The following INTS7 variants were observed in gnomAD, a reference collection of about 807,000 sequenced individuals.
INTS7 encodes integrator complex subunit 7.
Under a neutral mutation model 109.2 loss-of-function variants are expected in INTS7, and 46 were observed. The observed-to-expected ratio is 0.42, with a 90% confidence interval of 0.33 to 0.54. The LOEUF is 0.54. INTS7 is among the 20% of genes least tolerant of loss of function. The pLI is 0.07. For synonymous variants in INTS7, 412 were observed against 402.9 expected, an observed-to-expected ratio of 1.02 and a Z score of -0.27; for missense variants, 929 against 1,132.4, an observed-to-expected ratio of 0.82 and a Z score of 2.58.
intron 5 of INTS7, among the ~76,000 whole-genome samples, chr1:212,008,673 A>G (rs538685023): frequency 6.6e-6 from 1 of 152,284 alleles, no homozygotes; most frequent in South Asian, 2.1e-4. Context: ...TGTATTAATA[A>G]GGCTCAAAGA....
intron 9 of INTS7, 93 bp downstream of exon 9, chr1:211,982,583 G>A: frequency 1.0e-6 from 1 of 971,402 alleles, no homozygotes; most frequent in Non-Finnish European, 1.5e-6. Context: ...AGGCACACAG[G>A]CTAAAAATAA....
At chr1:211,981,266 A>C in intron 9 of INTS7, 76 bp from the exon 10 acceptor site, 1 of 841,414 alleles carries the variant, frequency 1.2e-6, no homozygotes, top group Non-Finnish European at 2.0e-6. Flanking sequence ...ATGCATACAC[A>C]CTCTCTTAGA....
At chr1:212,007,796 C>T (rs1665999420) in intron 5 of INTS7, among the ~76,000 whole-genome samples, 2 of 152,098 alleles carry the variant, frequency 1.3e-5, no homozygotes, top group Admixed American at 1.3e-4. Context: ...CAAACACACA[C>T]ACTTGATGGC....
At chr1:212,019,369 G>T (rs1358582345) in intron 3 of INTS7, among the ~76,000 whole-genome samples, 1 of 152,026 alleles carries the variant, frequency 6.6e-6, no homozygotes, top group Non-Finnish European at 1.5e-5. Flanking sequence ...AAAAGGCAAA[G>T]AAATGACAAA....
At chr1:211,956,915 T>C (rs1349542732) in intron 16 of INTS7, among the ~76,000 whole-genome samples, 1 of 152,222 alleles carries the variant, frequency 6.6e-6, no homozygotes. Flanking sequence ...TGTGGAAACA[T>C]GTTTTCATTT....
At chr1:211,952,090 A>C (rs1011225893) in intron 17 of INTS7, among the ~76,000 whole-genome samples, 1 of 152,186 alleles carries the variant, frequency 6.6e-6, no homozygotes, top group Non-Finnish European at 1.5e-5. Context: ...TTTCTGTTTC[A>C]ATTGTCCAGT....
intron 13 of INTS7, among the ~76,000 whole-genome samples, chr1:211,971,579 A>G (rs1216527959): frequency 1.3e-5 from 2 of 152,226 alleles, no homozygotes; most frequent in Non-Finnish European, 2.9e-5. Context: ...AACAAGCAAC[A>G]TAAAACAGAA....
At chr1:212,033,570 T>C (rs902845012) in intron 1 of INTS7, among the ~76,000 whole-genome samples, 2 of 152,160 alleles carry the variant, frequency 1.3e-5, no homozygotes, top group Non-Finnish European at 2.9e-5. Flanking sequence ...AACTGCAAAA[T>C]TTGAGGAATT....
intron 7 of INTS7, among the ~76,000 whole-genome samples, chr1:212,000,179 T>G (rs186162615): frequency 6.6e-6 from 1 of 151,974 alleles, no homozygotes; most frequent in Non-Finnish European, 1.5e-5. Context: ...ATAAAAAAAA[T>G]TTTTAAATCA....
intron 5 of INTS7, among the ~76,000 whole-genome samples, chr1:212,007,946 G>A (rs930579813): frequency 3.3e-5 from 5 of 152,064 alleles, no homozygotes; most frequent in African/African-American, 7.2e-5. Context: ...TTGCATACAC[G>A]ACTGGATCCA....
At chr1:211,968,768 A>G in intron 13 of INTS7, 61 bp from the exon 14 acceptor site, 2 of 1,320,882 alleles carry the variant, frequency 1.5e-6, no homozygotes, top group Non-Finnish European at 2.1e-6. Flanking sequence ...GAGATGGGGC[A>G]GTACCAAGTA....
chr1:211,992,132 T>C (rs1216494220), intron 7 of INTS7, among the ~76,000 whole-genome samples: 1 of 152,186 alleles, frequency 6.6e-6, no homozygotes, highest in Non-Finnish European at 1.5e-5. Flanking sequence ...TCACTTTTTG[T>C]TACCTAAATT....
At chr1:212,001,055 G>A (rs1202636401) in intron 7 of INTS7, among the ~76,000 whole-genome samples, 1 of 146,008 alleles carries the variant, frequency 6.8e-6, no homozygotes, top group Non-Finnish European at 1.5e-5. Flanking sequence ...TCCCTTGAGG[G>A]CAGAATTCCT....
rs115064635 is a variant in INTS7, at chr1:212,035,051, A to G, written c.94+293T>C. ...TTCTTTGCAGTGTCTCTTAGAAACT[A>G]GCCACTGTCACTGCTTAGAAAATCG... On this transcript the variant is annotated intron_variant, in intron 1 of 19. Transcript: ENST00000366994. 3.7e-3 allele frequency among the ~76,000 whole-genome samples: 567 copies of G among 152,380 alleles called. 5 individuals are homozygous for G. Among genetic ancestry groups the G allele is most frequent in the African/African-American group, 0.013 (531 of 41,586 alleles).
intron 8 of INTS7, 67 bp from the exon 9 acceptor site, chr1:211,982,877 G>C: frequency 7.8e-7 from 1 of 1,281,024 alleles, no homozygotes; most frequent in South Asian, 1.5e-5. Flanking sequence ...CAGCTCATAG[G>C]TTCAATTTTC....
Position 212,007,442 on chromosome 1 carries a change from C to T in INTS7, c.564G>A (p.Ala188=), listed in dbSNP as rs144216116. Residue 188 remains alanine (A), a synonymous_variant, in exon 6 of 20, where the codon GCG becomes GCA. Transcript: ENST00000366994. ...ATTTTAGCTTCAAGTCTACTGGTGT[C>T]GCTAAACCTAGACACAAAAATAATT... The part of the protein sequence containing the change: ...NKISEMIQGL[A]TPVDLKLKLI... 3.7e-6 allele frequency: 6 copies of T among 1,610,068 alleles called. No individual in the cohort carries two copies. Among genetic ancestry groups the T allele is most frequent in the African/African-American group, 2.7e-5 (2 of 74,798 alleles).
At chr1:211,977,447 C>T (rs1255215477) in intron 11 of INTS7, among the ~76,000 whole-genome samples, 6 of 152,176 alleles carry the variant, frequency 3.9e-5, no homozygotes, top group Non-Finnish European at 4.4e-5. Context: ...CTTAATATTT[C>T]AAAGCTGATT....
chr1:211,954,911 T>C (rs370106762), intron 16 of INTS7, among the ~76,000 whole-genome samples: 3 of 152,140 alleles, frequency 2.0e-5, no homozygotes, highest in Non-Finnish European at 4.4e-5. Context: ...AACTTTAAAG[T>C]AGTTTTTTCC....
chr1:212,000,255 G>A (rs191956651), intron 7 of INTS7, among the ~76,000 whole-genome samples: 189 of 152,232 alleles, frequency 1.2e-3, no homozygotes, highest in African/African-American at 4.3e-3. Flanking sequence ...AAATTAAATG[G>A]GAAACAAATG....
Sources: allele counts gnomAD v4.1 joint callset (sites outside exome capture counted in the v4.1 genomes callset), GRCh38; gene constraint gnomAD v4.1.1; transcripts MANE v1.5; gene names NCBI Gene and HGNC (gene_info 2026-07-23, HGNC 2026-07-21).